The following TENM3 variants were observed in gnomAD, a reference collection of about 807,000 sequenced individuals.
TENM3 encodes the protein teneurin-3.
In TENM3, 63 loss-of-function variants were observed where a neutral mutation model predicts 255.1. The observed-to-expected ratio is 0.25, with a 90% CI of 0.20 to 0.30. The LOEUF (loss-of-function observed/expected upper bound fraction) is 0.30. TENM3 is among the 10% of genes least tolerant of loss of function. The pLI, the probability that TENM3 is intolerant of heterozygous loss-of-function variation, is 1.00. For synonymous variants in TENM3, 1,306 were observed against 1,322.3 expected, an observed-to-expected ratio of 0.99 and a Z score of 0.27; for missense variants, 2,929 against 3,461.1, an observed-to-expected ratio of 0.85 and a Z score of 3.86.
intron 1 of TENM3, among the ~76,000 whole-genome samples, chr4:182,213,978 G>GCAT (rs1264692890): frequency 4.0e-5 from 6 of 151,898 alleles, no homozygotes; most frequent in African/African-American, 1.2e-4. Context: ...ATTTTTTTGT[G>GCAT]TTTTAGTAGA....
At chr4:181,621,285 C>T in the TENM3 span, among the ~76,000 whole-genome samples, 1 of 152,150 alleles carries the variant, frequency 6.6e-6, no homozygotes, top group Admixed American at 6.6e-5. Flanking sequence ...GAATGATTTT[C>T]TTCATGCCTT....
chr4:181,618,324 C>A, the TENM3 span, among the ~76,000 whole-genome samples: 1 of 152,216 alleles, frequency 6.6e-6, no homozygotes, highest in Non-Finnish European at 1.5e-5. Flanking sequence ...TGCAGCACTT[C>A]ATTCAGGGAA....
intron 3 of TENM3, among the ~76,000 whole-genome samples, chr4:182,443,980 T>C (rs1370069538): frequency 6.6e-6 from 1 of 152,220 alleles, no homozygotes; most frequent in East Asian, 1.9e-4. Flanking sequence ...TTAGAAATGA[T>C]TTCAGATGTG....
chr4:181,978,463 A>T, the TENM3 span, among the ~76,000 whole-genome samples: 1 of 152,116 alleles, frequency 6.6e-6, no homozygotes, highest in Admixed American at 6.6e-5. Flanking sequence ...CCTGACCAAC[A>T]TGGTGAAACA....
the TENM3 span, among the ~76,000 whole-genome samples, chr4:181,450,849 G>A: frequency 6.6e-6 from 1 of 152,136 alleles, no homozygotes; most frequent in African/African-American, 2.4e-5. Context: ...TCACTTGTAA[G>A]CTATAATTGA....
intron 5 of TENM3, among the ~76,000 whole-genome samples, chr4:182,644,133 G>A (rs73008991): frequency 0.032 from 4,804 of 152,224 alleles, 240 homozygotes; most frequent in African/African-American, 0.1. Context: ...GGGTGCTCGG[G>A]TCTGTGTTCC....
chr4:182,071,992 A>G, the TENM3 span, among the ~76,000 whole-genome samples: 1 of 152,234 alleles, frequency 6.6e-6, no homozygotes. Context: ...CTATGCCAAC[A>G]CATTGCGGAG....
At chr4:182,520,268 C>G (rs1005272906) in intron 3 of TENM3, among the ~76,000 whole-genome samples, 4 of 151,960 alleles carry the variant, frequency 2.6e-5, no homozygotes, top group Non-Finnish European at 5.9e-5. Flanking sequence ...ATAAAAAAAT[C>G]AATTGTATTT....
At position 182,770,208 on chromosome 4, in the gene TENM3, C is replaced by T. The variant is rs1201726973; in HGVS notation, c.4893-3264C>T. On this transcript the variant is annotated intron_variant, in intron 22 of 27. Coordinates refer to ENST00000511685, the MANE Select transcript of TENM3 (RefSeq NM_001080477.4). ...TGGCCTTATGAAACGATGGGAGTAACGGGTAGTAGTTTTTAATTTAAAAAC... is the reference window on the plus strand; with the variant it reads ...TGGCCTTATGAAACGATGGGAGTAATGGGTAGTAGTTTTTAATTTAAAAAC... Among the ~76,000 whole-genome samples the T allele has an allele frequency of 2.6e-5, 4 of 151,818 alleles. No homozygotes were observed. The East Asian group carries it at 7.7e-4, about 29-fold the overall frequency.
chr4:181,448,632 T>C, the TENM3 span, among the ~76,000 whole-genome samples: 1 of 152,300 alleles, frequency 6.6e-6, no homozygotes, highest in South Asian at 2.1e-4. Context: ...TTAGTGAGAT[T>C]GTTAAATGGA....
At chr4:182,296,008 A>G (rs1277251958) in intron 1 of TENM3, among the ~76,000 whole-genome samples, 1 of 152,074 alleles carries the variant, frequency 6.6e-6, no homozygotes, top group Non-Finnish European at 1.5e-5. Flanking sequence ...CTGGAGTGCA[A>G]TGGTGTGATC....
the TENM3 span, among the ~76,000 whole-genome samples, chr4:181,890,485 C>T: frequency 6.6e-6 from 1 of 151,352 alleles, no homozygotes; most frequent in Non-Finnish European, 1.5e-5. Context: ...AAAATAGATC[C>T]CTTACTATCT....
At chr4:181,742,171 T>TA in the TENM3 span, among the ~76,000 whole-genome samples, 20 of 151,854 alleles carry the variant, frequency 1.3e-4, no homozygotes, top group Middle Eastern at 3.4e-3. Flanking sequence ...TTTTTACCTT[T>TA]AAAAAAAACA....
chr4:181,723,039 C>A, the TENM3 span, among the ~76,000 whole-genome samples: 1 of 152,054 alleles, frequency 6.6e-6, no homozygotes, highest in Non-Finnish European at 1.5e-5. Context: ...AATTACAGCA[C>A]AACACTGACT....
At chr4:182,354,251 T>C (rs899904535) in intron 3 of TENM3, among the ~76,000 whole-genome samples, 5 of 152,212 alleles carry the variant, frequency 3.3e-5, no homozygotes, top group Admixed American at 6.5e-5. Flanking sequence ...AAATGTTCTT[T>C]TAGTTGTAGA....
chr4:181,999,918 G>A, the TENM3 span, among the ~76,000 whole-genome samples: 1 of 152,060 alleles, frequency 6.6e-6, no homozygotes, highest in African/African-American at 2.4e-5. Context: ...TGCTTATTAA[G>A]TATTTAATGA....
the TENM3 span, among the ~76,000 whole-genome samples, chr4:181,982,733 A>G: frequency 6.6e-6 from 1 of 152,152 alleles, no homozygotes; most frequent in African/African-American, 2.4e-5. Flanking sequence ...CACAGAAAGG[A>G]GGTCACATGC....
the TENM3 span, among the ~76,000 whole-genome samples, chr4:181,797,059 G>T: frequency 6.6e-6 from 1 of 152,020 alleles, no homozygotes; most frequent in South Asian, 2.1e-4. Flanking sequence ...CCCATGTGGT[G>T]CCCAGTCCAC....
the TENM3 span, among the ~76,000 whole-genome samples, chr4:181,611,789 G>A: frequency 6.6e-6 from 1 of 152,194 alleles, no homozygotes; most frequent in Non-Finnish European, 1.5e-5. Flanking sequence ...CAAACAGGAA[G>A]CCAGGGTACA....
Sources: allele counts gnomAD v4.1 joint callset (sites outside exome capture counted in the v4.1 genomes callset), GRCh38; gene constraint gnomAD v4.1.1; transcripts MANE v1.5; gene names NCBI Gene and HGNC (gene_info 2026-07-23, HGNC 2026-07-21).